CAMKMT: variants seen among roughly 807,000 people sequenced by gnomAD.
CAMKMT encodes CaM KMT.
In CAMKMT, 53 loss-of-function variants were observed where a neutral mutation model predicts 48.0. The observed-to-expected ratio is 1.10, with a 90% CI of 0.89 to 1.39. CAMKMT has a LOEUF of 1.39. CAMKMT is among the 40% of genes most tolerant of loss of function. CAMKMT has a pLI of 0.00. For synonymous variants in CAMKMT, 165 were observed against 152.3 expected (o/e 1.08, Z -0.61); for missense variants, 428 against 402.7 (o/e 1.06, Z -0.54).
At chr2:44,490,860 G>A (rs567290941) in intron 3 of CAMKMT, among the ~76,000 whole-genome samples, 62 of 152,146 alleles carry the variant, frequency 4.1e-4, no homozygotes, top group African/African-American at 1.4e-3. Flanking sequence ...GGAATGATAA[G>A]CAAATGTGGC....
chr2:44,665,596 C>T (rs1334607615), intron 3 of CAMKMT, among the ~76,000 whole-genome samples: 1 of 152,140 alleles, frequency 6.6e-6, no homozygotes. Flanking sequence ...ATTTTTAAGG[C>T]ATTTGTCCCT....
chr2:44,581,934 G>A (rs1669590765), intron 3 of CAMKMT, among the ~76,000 whole-genome samples: 1 of 152,240 alleles, frequency 6.6e-6, no homozygotes, highest in Non-Finnish European at 1.5e-5. Flanking sequence ...TGGAGGCAGA[G>A]GTTGCAGTGA....
At chr2:44,410,622 C>A (rs577757640) in intron 3 of CAMKMT, among the ~76,000 whole-genome samples, 2 of 152,190 alleles carry the variant, frequency 1.3e-5, no homozygotes, top group South Asian at 4.1e-4. Context: ...ACTGTCATTT[C>A]ACCTAAAGGG....
chr2:44,729,145 G>A (rs1678953323), intron 7 of CAMKMT, among the ~76,000 whole-genome samples: 1 of 152,052 alleles, frequency 6.6e-6, no homozygotes. Context: ...TACGTAGAAT[G>A]TAAAATAGAG....
chr2:44,525,089 A>AG (rs1671334038), intron 3 of CAMKMT, among the ~76,000 whole-genome samples: 1 of 152,182 alleles, frequency 6.6e-6, no homozygotes, highest in African/African-American at 2.4e-5. Flanking sequence ...GTTAGTAGTT[A>AG]TAGTAGTAGT....
chr2:44,517,558 T>C (rs145713635), intron 3 of CAMKMT, among the ~76,000 whole-genome samples: 173 of 152,322 alleles, frequency 1.1e-3, no homozygotes, highest in African/African-American at 3.9e-3. Context: ...GTGCTTCTTA[T>C]TTTAACTTGA....
chr2:44,477,026 T>C (rs1302800320), intron 3 of CAMKMT, among the ~76,000 whole-genome samples: 1 of 152,176 alleles, frequency 6.6e-6, no homozygotes, highest in East Asian at 1.9e-4. Context: ...GAGACATCAT[T>C]ACTATGAGGA....
At chr2:44,712,319 C>T (rs17032546) in intron 6 of CAMKMT, among the ~76,000 whole-genome samples, 9,997 of 152,088 alleles carry the variant, frequency 0.066, 818 homozygotes, top group African/African-American at 0.19. Flanking sequence ...TTTGAAATAT[C>T]TTCTTGCTTA....
chr2:44,398,930 T>C (rs970711522), intron 3 of CAMKMT, among the ~76,000 whole-genome samples: 2 of 152,242 alleles, frequency 1.3e-5, no homozygotes, highest in Non-Finnish European at 2.9e-5. Flanking sequence ...TTCTCTTCTC[T>C]GAACTTTTAC....
intron 3 of CAMKMT, among the ~76,000 whole-genome samples, chr2:44,587,246 A>G (rs1284781465): frequency 1.3e-5 from 2 of 152,184 alleles, no homozygotes; most frequent in African/African-American, 4.8e-5. Flanking sequence ...TGACTTCTTA[A>G]CAATACTGAG....
chr2:44,632,446 A>G (rs1672888163), intron 3 of CAMKMT, among the ~76,000 whole-genome samples: 1 of 152,232 alleles, frequency 6.6e-6, no homozygotes, highest in South Asian at 2.1e-4. Flanking sequence ...GGTTTACAAC[A>G]TGATGTTATA....
chr2:44,368,856 A>G (rs1204354278), intron 1 of CAMKMT, among the ~76,000 whole-genome samples: 1 of 152,160 alleles, frequency 6.6e-6, no homozygotes, highest in Admixed American at 6.5e-5. Context: ...TTGACAGACT[A>G]TAATAAGACC....
intron 3 of CAMKMT, among the ~76,000 whole-genome samples, chr2:44,567,945 C>G (rs951892454): frequency 9.2e-5 from 14 of 152,144 alleles, no homozygotes; most frequent in Admixed American, 2.6e-4. Context: ...AAATGCTACT[C>G]CTGTTCTTAT....
intron 3 of CAMKMT, among the ~76,000 whole-genome samples, chr2:44,471,353 A>G (rs954339728): frequency 6.6e-6 from 1 of 152,046 alleles, no homozygotes; most frequent in East Asian, 1.9e-4. Flanking sequence ...ATAAAATTTT[A>G]TGGAATAGCC....
At chr2:44,388,917 G>GC (rs965931715) in intron 2 of CAMKMT, among the ~76,000 whole-genome samples, 116 of 152,208 alleles carry the variant, frequency 7.6e-4, no homozygotes, top group African/African-American at 2.7e-3. Context: ...CGGGGTGGGG[G>GC]GTACAATGGA....
chr2:44,397,205 C>G (rs1178391771), intron 3 of CAMKMT, among the ~76,000 whole-genome samples: 1 of 152,052 alleles, frequency 6.6e-6, no homozygotes, highest in Non-Finnish European at 1.5e-5. Context: ...TCATTTTAAC[C>G]CTTTCTTAGG....
chr2:44,715,527 G>T (rs1316852233), intron 7 of CAMKMT, among the ~76,000 whole-genome samples, 174 bp downstream of exon 7: 7 of 152,140 alleles, frequency 4.6e-5, no homozygotes, highest in Non-Finnish European at 8.8e-5. Context: ...AATACTATGA[G>T]GCAGACAGAC....
chr2:44,434,332 C>G (rs1039066658), intron 3 of CAMKMT, among the ~76,000 whole-genome samples: 14 of 151,962 alleles, frequency 9.2e-5, no homozygotes, highest in African/African-American at 3.4e-4. Context: ...CGTCTGTTGA[C>G]TTTATTAAGT....
intron 3 of CAMKMT, among the ~76,000 whole-genome samples, chr2:44,673,522 G>GAAGGAAGGAAGGA (rs945472268): frequency 7.8e-5 from 6 of 76,626 alleles, no homozygotes; most frequent in African/African-American, 2.6e-4. Flanking sequence ...AGGAAGGAAG[G>GAAGGAAGGAAGGA]AGGGAAGGAA....
Sources: gnomAD v4.1 joint callset for allele counts (sites outside exome capture counted in the v4.1 genomes callset) on GRCh38, gnomAD v4.1.1 for gene constraint, MANE v1.5 for transcripts, NCBI Gene and HGNC (gene_info 2026-07-23, HGNC 2026-07-21) for gene names.